Variants in ZFAT observed in about 807,000 individuals in gnomAD.
The protein encoded by ZFAT is zinc finger protein ZFAT.
A neutral mutation model predicts 117.7 loss-of-function variants in ZFAT; 64 were observed. The ratio of observed to expected loss-of-function variants is 0.54; its 90% CI spans 0.44 to 0.67. ZFAT has a LOEUF of 0.67. ZFAT is among the 30% of genes least tolerant of loss of function. The pLI is 0.00. For synonymous variants in ZFAT, 679 were observed against 615.0 expected, an observed-to-expected ratio of 1.10 and a Z score of -1.54; for missense variants, 1,433 against 1,584.5, an observed-to-expected ratio of 0.90 and a Z score of 1.62.
intron 4 of ZFAT, among the ~76,000 whole-genome samples, chr8:134,609,190 A>G (rs1828136104): frequency 1.3e-5 from 2 of 152,076 alleles, no homozygotes; most frequent in African/African-American, 2.4e-5. Context: ...ATGTATATAC[A>G]TATACATATA....
intron 13 of ZFAT, 146 bp from the exon 14 acceptor site, chr8:134,512,747 A>C: frequency 9.5e-7 from 1 of 1,047,608 alleles, no homozygotes; most frequent in Non-Finnish European, 1.3e-6. Context: ...CTGAGAAACC[A>C]GTTGCTCCCA....
the ZFAT span, among the ~76,000 whole-genome samples, chr8:134,759,881 G>A: frequency 5.1e-4 from 73 of 143,972 alleles, no homozygotes; most frequent in Non-Finnish European, 9.3e-4. Context: ...TGAGGTAGGA[G>A]AATTGCTTGA....
At chr8:134,487,543 C>T (rs905498106) in intron 15 of ZFAT, among the ~76,000 whole-genome samples, 13 of 152,196 alleles carry the variant, frequency 8.5e-5, no homozygotes, top group South Asian at 2.1e-4. Context: ...ATAATATTCA[C>T]GGCTTCCTGT....
intron 1 of ZFAT, chr8:134,674,793 C>T: frequency 3.3e-6 from 1 of 302,800 alleles, no homozygotes. Flanking sequence ...CTTCCAGAGG[C>T]AGGAACAGGC....
chr8:134,633,420 CT>C (rs1379725492), intron 3 of ZFAT, among the ~76,000 whole-genome samples: 3 of 152,154 alleles, frequency 2.0e-5, no homozygotes, highest in Non-Finnish European at 4.4e-5. Context: ...AATAATAAAT[CT>C]GAAATGCATG....
chr8:134,564,899 T>C, intron 11 of ZFAT: 1 of 1,145,356 alleles, frequency 8.7e-7, no homozygotes, highest in African/African-American at 1.6e-5. Context: ...TGCTGGGCAC[T>C]GTGGTGGACA....
intron 1 of ZFAT, among the ~76,000 whole-genome samples, chr8:134,690,994 G>A (rs561756605): frequency 8.5e-4 from 130 of 152,302 alleles, no homozygotes; most frequent in African/African-American, 2.9e-3. Context: ...CATGACTGTG[G>A]TGTTATTTAT....
the ZFAT span, among the ~76,000 whole-genome samples, chr8:134,719,884 T>C: frequency 6.6e-6 from 1 of 152,182 alleles, no homozygotes; most frequent in African/African-American, 2.4e-5. Context: ...ACCTAGACAG[T>C]CTGTACAATG....
At chr8:134,590,469 C>G in intron 7 of ZFAT, 114 bp from the exon 8 acceptor site, 1 of 736,756 alleles carries the variant, frequency 1.4e-6, no homozygotes, top group Non-Finnish European at 2.3e-6. Flanking sequence ...ACCACTCACG[C>G]TATCAACAGT....
At chr8:134,503,398 G>T (rs1369249551) in intron 15 of ZFAT, among the ~76,000 whole-genome samples, 2 of 152,170 alleles carry the variant, frequency 1.3e-5, no homozygotes, top group African/African-American at 4.8e-5. Context: ...GTGAAACTGA[G>T]AATTTCACCC....
intron 2 of ZFAT, among the ~76,000 whole-genome samples, chr8:134,654,610 G>T (rs1831480100): frequency 6.6e-6 from 1 of 152,226 alleles, no homozygotes; most frequent in Non-Finnish European, 1.5e-5. Flanking sequence ...TCGTCAGAAG[G>T]ATCCCCAGGT....
chr8:134,761,060 C>T, the ZFAT span, among the ~76,000 whole-genome samples: 2 of 152,182 alleles, frequency 1.3e-5, no homozygotes, highest in East Asian at 3.8e-4. Context: ...CTGCCTATAG[C>T]AGATGTCAAC....
chr8:134,620,670 T>G (rs1194571926), intron 3 of ZFAT, among the ~76,000 whole-genome samples: 1 of 152,232 alleles, frequency 6.6e-6, no homozygotes, highest in Non-Finnish European at 1.5e-5. Context: ...GATGGTAGGA[T>G]ACAGCGCAGG....
chr8:134,711,610 G>A (rs1317177693), intron 1 of ZFAT, among the ~76,000 whole-genome samples: 2 of 151,920 alleles, frequency 1.3e-5, no homozygotes, highest in African/African-American at 4.8e-5. Flanking sequence ...TGATAGTGCG[G>A]GACTCTGTCC....
chr8:134,711,750 G>A (rs968792808), intron 1 of ZFAT, among the ~76,000 whole-genome samples: 9 of 152,234 alleles, frequency 5.9e-5, no homozygotes, highest in Non-Finnish European at 1.3e-4. Context: ...ACCGCAGCAG[G>A]TGGAGGCAGG....
chr8:134,549,196 C>T (rs1240343214), intron 11 of ZFAT, among the ~76,000 whole-genome samples: 2 of 152,090 alleles, frequency 1.3e-5, no homozygotes, highest in Non-Finnish European at 2.9e-5. Flanking sequence ...AATCCCAGCA[C>T]TTTGGGAGGC....
chr8:134,506,214 G>C (rs1377343754), intron 15 of ZFAT, among the ~76,000 whole-genome samples: 1 of 152,152 alleles, frequency 6.6e-6, no homozygotes, highest in Non-Finnish European at 1.5e-5. Flanking sequence ...CTTAACGCAA[G>C]ATTTAACAAC....
intron 2 of ZFAT, among the ~76,000 whole-genome samples, chr8:134,656,452 T>G (rs1329882537): frequency 6.6e-6 from 1 of 152,206 alleles, no homozygotes; most frequent in East Asian, 1.9e-4. Flanking sequence ...CTTCGGGTGC[T>G]GCATCTTTTT....
At chr8:134,689,787 G>A (rs2131324893) in intron 1 of ZFAT, among the ~76,000 whole-genome samples, 1 of 152,314 alleles carries the variant, frequency 6.6e-6, no homozygotes, top group East Asian at 1.9e-4. Context: ...ACAGATGCGT[G>A]ACTCTGCACA....
Sources: gnomAD v4.1 joint callset for allele counts (sites outside exome capture counted in the v4.1 genomes callset) on GRCh38, gnomAD v4.1.1 for gene constraint, MANE v1.5 for transcripts, NCBI Gene and HGNC (gene_info 2026-07-23, HGNC 2026-07-21) for gene names.